The following DDX43 variants were observed in gnomAD, a reference collection of about 807,000 sequenced individuals.
DDX43 encodes DEAD-box helicase 43, also known as probable ATP-dependent RNA helicase DDX43.
Under a neutral mutation model 84.9 loss-of-function variants are expected in DDX43, and 50 were observed. The observed-to-expected ratio is 0.59, with a 90% CI of 0.47 to 0.75. DDX43 has a LOEUF of 0.75. Ranked by LOEUF, DDX43 falls within the 30% of genes least tolerant of loss-of-function variation. The probability of loss-of-function intolerance (pLI) is 0.00; values close to 1 mark genes in which losing one functional copy is unlikely to be tolerated. For synonymous variants in DDX43, 291 were observed against 266.3 expected (o/e 1.09, Z -0.90); for missense variants, 689 against 798.6 (o/e 0.86, Z 1.65).
At position 73,402,004 on chromosome 6, in the gene DDX43, C is replaced by T; in HGVS notation, c.568+14C>T. 1 of 1,612,800 alleles carries T rather than the reference C, an allele frequency of 6.2e-7. No homozygotes were observed. The highest frequency in any genetic ancestry group is 8.5e-7 in the Non-Finnish European group (1 of 1,179,544). ...CAAAGTGGGCAGGTCAGTGCTGCTT[C>T]CTAATATTTACATATATTGTTTCTG... On this transcript the variant is annotated intron_variant, in intron 4 of 16. Transcript: ENST00000370336.
At chr6:73,396,541 A>G (rs942996133) in intron 1 of DDX43, among the ~76,000 whole-genome samples, 5 of 152,250 alleles carry the variant, frequency 3.3e-5, no homozygotes, top group Non-Finnish European at 5.9e-5. Context: ...GTTAATACTT[A>G]GCAGATGAAA....
chr6:73,411,705 A>G (rs1769787275), intron 10 of DDX43, among the ~76,000 whole-genome samples: 1 of 151,916 alleles, frequency 6.6e-6, no homozygotes, highest in Non-Finnish European at 1.5e-5. Context: ...GTATTTATTT[A>G]CTTATTTATG....
At chr6:73,398,478 C>A (rs778410111) in intron 2 of DDX43, among the ~76,000 whole-genome samples, 3 of 152,142 alleles carry the variant, frequency 2.0e-5, no homozygotes, top group Non-Finnish European at 4.4e-5. Flanking sequence ...TCTTGAACTC[C>A]TGACCTCGGG....
At chr6:73,415,014 T>C (rs1309997133) in intron 14 of DDX43, among the ~76,000 whole-genome samples, 1 of 152,098 alleles carries the variant, frequency 6.6e-6, no homozygotes, top group African/African-American at 2.4e-5. Flanking sequence ...GAGCTACCAC[T>C]GGGCCGGGCA....
intron 12 of DDX43, 47 bp downstream of exon 12, chr6:73,413,832 A>G (rs1212503599): frequency 6.3e-7 from 1 of 1,584,948 alleles, no homozygotes. Context: ...TAAATTGATT[A>G]GGATCATTTC....
Position 73,407,890 on chromosome 6 carries a change from T to C in DDX43, c.1038-70T>C, listed in dbSNP as rs966189900. 12 of 1,464,156 alleles carry C rather than the reference T, an allele frequency of 8.2e-6. No individual in the cohort carries two copies. The Admixed American group carries it at 2.4e-4, about 29-fold the overall frequency. The allele number at this position is 1,464,156 out of a possible 1,614,324, so 90.7% of individuals were successfully genotyped here. A position where few individuals can be genotyped will look rare whatever the true frequency, so the allele number is the denominator to read the frequency against. On this transcript the variant is annotated intron_variant, in intron 8 of 16. Transcript: ENST00000370336. ...ACCTGATAATTGATTTTTATCCCTTTTATTGGATTTTAAGTTGTGATGAGA... is the reference window on the plus strand; with the variant it reads ...ACCTGATAATTGATTTTTATCCCTTCTATTGGATTTTAAGTTGTGATGAGA...
intron 2 of DDX43, among the ~76,000 whole-genome samples, chr6:73,398,461 A>G (rs1769512481): frequency 6.6e-6 from 1 of 152,102 alleles, no homozygotes; most frequent in Non-Finnish European, 1.5e-5. Context: ...CATGTTGGCC[A>G]GGCTAGTCTT....
chr6:73,400,096 G>T, intron 2 of DDX43, 138 bp from the exon 3 acceptor site: 1 of 562,452 alleles, frequency 1.8e-6, no homozygotes, highest in Non-Finnish European at 2.9e-6. Context: ...GACATTGATT[G>T]GTGGTAATAC....
At chr6:73,417,060 A>G (rs1261525820) in intron 16 of DDX43, 127 bp from the exon 17 acceptor site, 1 of 152,196 alleles carries the variant, frequency 6.6e-6, no homozygotes, top group African/African-American at 2.4e-5. Context: ...CTGCACAACA[A>G]TGAATATACA....
At chr6:73,404,474 C>A (rs1236985363) in intron 4 of DDX43, among the ~76,000 whole-genome samples, 2 of 152,202 alleles carry the variant, frequency 1.3e-5, no homozygotes, top group Non-Finnish European at 2.9e-5. Context: ...CCATGCCAGC[C>A]TCTCAAAGTG....
At chr6:73,401,089 C>T (rs534267102) in intron 3 of DDX43, among the ~76,000 whole-genome samples, 98 of 152,056 alleles carry the variant, frequency 6.4e-4, no homozygotes, top group Non-Finnish European at 1.2e-3. Context: ...GTGATTCTCC[C>T]ACCTCAGCCT....
chr6:73,412,721 T>G (rs1769825559), intron 11 of DDX43, among the ~76,000 whole-genome samples: 1 of 43,936 alleles, frequency 2.3e-5, no homozygotes, highest in Non-Finnish European at 4.7e-5. Context: ...GTGCAAGTGA[T>G]ATATAGCGTG....
At chr6:73,408,291 C>T (rs1029177038) in intron 9 of DDX43, among the ~76,000 whole-genome samples, 190 bp downstream of exon 9, 11 of 151,930 alleles carry the variant, frequency 7.2e-5, no homozygotes, top group Non-Finnish European at 1.3e-4. Context: ...AAAAATTAGC[C>T]AGGTGTGGTG....
chr6:73,415,721 A>C, intron 15 of DDX43, 137 bp downstream of exon 15: 1 of 593,268 alleles, frequency 1.7e-6, no homozygotes, highest in South Asian at 2.4e-5. Flanking sequence ...CATGGCAGTG[A>C]TAAGAAACTA....
rs574240075 is a variant in DDX43, at chr6:73,400,060, A to G, written c.307-174A>G. Among the ~76,000 whole-genome samples the G allele has an allele frequency of 2.6e-5, 4 of 152,314 alleles. No homozygotes were observed. In the East Asian group the frequency reaches 7.7e-4, roughly 29 times the overall value. ...GGTAAATCCCAGAGTAAATATAAGT[A>G]GTATTCCTCTCTAACTAGAAATTTA... On this transcript the variant is annotated intron_variant, in intron 2 of 16. Coordinates refer to ENST00000370336, the MANE Select transcript of DDX43 (RefSeq NM_018665.3).
Position 73,409,289 on chromosome 6 carries a change from AC to A in DDX43, c.1225del (p.Gln409ArgfsTer2), listed in dbSNP as rs1562285144. ...ADKMLDMGFE[P>X]QIMKILLDVR... is the part of the protein sequence containing the mutation. Reference sequence around the variant, plus strand: ...ACAAGATGTTGGACATGGGATTTGAACCCCAGATAATGAAGATTTTGTTAGA... The same window carrying A: ...ACAAGATGTTGGACATGGGATTTGAACCCAGATAATGAAGATTTTGTTAGA... On this transcript the variant is annotated frameshift_variant, in exon 10 of 17. Coordinates refer to ENST00000370336, the MANE Select transcript of DDX43 (RefSeq NM_018665.3). LOFTEE classifies it high-confidence loss of function. 1 of 1,614,142 alleles carries A rather than the reference AC, an allele frequency of 6.2e-7. No homozygotes were observed. Among genetic ancestry groups the A allele is most frequent in the Non-Finnish European group, 8.5e-7 (1 of 1,180,012 alleles).
chr6:73,403,663 AT>A (rs927242277), intron 4 of DDX43, among the ~76,000 whole-genome samples: 21 of 151,926 alleles, frequency 1.4e-4, no homozygotes, highest in Non-Finnish European at 3.1e-4. Flanking sequence ...TTTTTATTAA[AT>A]TTTTTTTGAG....
rs1427303441 is a variant in DDX43, at chr6:73,415,574, G to T, written c.1823G>T (p.Arg608Ile). 1 of 1,610,044 alleles carries T rather than the reference G, an allele frequency of 6.2e-7. No homozygotes were observed. Among genetic ancestry groups the T allele is most frequent in the South Asian group, 1.1e-5 (1 of 90,860 alleles). The change falls in exon 15 of 17, where the codon AGA becomes ATA. Residue 608 changes from arginine (R) to isoleucine (I), a missense_variant. Coordinates refer to ENST00000370336, the MANE Select transcript of DDX43 (RefSeq NM_018665.3). The stretch of plus-strand genomic sequence containing the variant: ...TCTGAATTGATTAATATTCTGGAAA[G>T]AGCAAATCAGGTGAGACTATGCAAT... ...VASELINILE[R>I]ANQSIPEELV...
intron 5 of DDX43, 32 bp downstream of exon 5, chr6:73,404,803 ATTTG>A: frequency 6.5e-7 from 1 of 1,528,700 alleles, no homozygotes; most frequent in Non-Finnish European, 9.0e-7. Context: ...TTGTGTAAGT[ATTTG>A]TATAGTTACG....
Sources: allele counts gnomAD v4.1 joint callset (sites outside exome capture counted in the v4.1 genomes callset), GRCh38; gene constraint gnomAD v4.1.1; transcripts MANE v1.5; gene names NCBI Gene and HGNC (gene_info 2026-07-23, HGNC 2026-07-21).